C12orf42: variants seen among roughly 807,000 people sequenced by gnomAD.
C12orf42 encodes chromosome 12 open reading frame 42.
Under a neutral mutation model 21.6 loss-of-function variants are expected in C12orf42, and 25 were observed. The observed-to-expected ratio is 1.16, with a 90% CI of 0.84 to 1.62. The LOEUF (loss-of-function observed/expected upper bound fraction) is 1.62, where lower values mean the gene tolerates loss of function less well. Among genes scored for constraint, C12orf42 ranks in the 40% most tolerant of loss-of-function variants. The probability of loss-of-function intolerance (pLI) is 0.00; values close to 1 mark genes in which losing one functional copy is unlikely to be tolerated. For missense variants in C12orf42, 483 were observed against 459.3 expected (o/e 1.05, Z -0.47); for synonymous variants, 174 against 175.0 (o/e 0.99, Z 0.05).
chr12:103,218,130 A>G, the C12orf42 span, among the ~76,000 whole-genome samples: 5 of 152,168 alleles, frequency 3.3e-5, no homozygotes, highest in Non-Finnish European at 5.9e-5. Flanking sequence ...AAATACAAAA[A>G]TTGGCTGAGT....
At chr12:103,510,771 A>C in the C12orf42 span, among the ~76,000 whole-genome samples, 8 of 152,192 alleles carry the variant, frequency 5.3e-5, no homozygotes, top group African/African-American at 1.9e-4. Flanking sequence ...ATGAAACTTC[A>C]ATGGGAAATC....
intron 2 of C12orf42, among the ~76,000 whole-genome samples, chr12:103,475,827 A>G (rs774245796): frequency 3.9e-5 from 6 of 152,202 alleles, no homozygotes; most frequent in Non-Finnish European, 7.3e-5. Context: ...AGCAAATTTA[A>G]TAGCTTATAT....
the C12orf42 span, among the ~76,000 whole-genome samples, chr12:103,048,401 G>A: frequency 6.6e-6 from 1 of 152,002 alleles, no homozygotes; most frequent in East Asian, 1.9e-4. Flanking sequence ...AAAAGATTTA[G>A]CCTACATGGG....
At chr12:103,066,429 G>T in the C12orf42 span, among the ~76,000 whole-genome samples, 60,293 of 152,024 alleles carry the variant, frequency 0.4, 12,266 homozygotes, top group East Asian at 0.52. Context: ...AATGGCCTTA[G>T]GGGAAGTTCC....
chr12:103,162,434 T>A, the C12orf42 span, among the ~76,000 whole-genome samples: 1 of 152,114 alleles, frequency 6.6e-6, no homozygotes, highest in African/African-American at 2.4e-5. Flanking sequence ...GTAGCCATAG[T>A]GAAATGGCCC....
downstream of C12orf42, among the ~76,000 whole-genome samples, chr12:103,297,103 T>C (rs1182007560): frequency 6.6e-6 from 1 of 152,234 alleles, no homozygotes; most frequent in Non-Finnish European, 1.5e-5. Flanking sequence ...CCAGCACCAT[T>C]TGTTAAATAG....
chr12:103,435,052 C>A (rs1185164084), intron 2 of C12orf42, among the ~76,000 whole-genome samples: 1 of 152,298 alleles, frequency 6.6e-6, no homozygotes, highest in South Asian at 2.1e-4. Flanking sequence ...AGCTGGAGAT[C>A]TGAGAACAGG....
chr12:103,456,762 T>C (rs1295026544), intron 2 of C12orf42, among the ~76,000 whole-genome samples: 1 of 152,148 alleles, frequency 6.6e-6, no homozygotes, highest in Non-Finnish European at 1.5e-5. Flanking sequence ...GCATTGTGGT[T>C]TTCCTCTTCC....
chr12:103,378,159 A>C (rs1475635678), intron 3 of C12orf42, among the ~76,000 whole-genome samples: 1 of 152,188 alleles, frequency 6.6e-6, no homozygotes, highest in Non-Finnish European at 1.5e-5. Flanking sequence ...TTCTGCCCAC[A>C]TGCAACCTAT....
the C12orf42 span, among the ~76,000 whole-genome samples, chr12:103,527,318 C>A: frequency 6.6e-6 from 1 of 152,072 alleles, no homozygotes; most frequent in African/African-American, 2.4e-5. Context: ...TACAGAATGA[C>A]AAGATGGAAG....
At chr12:103,477,783 T>C (rs1383281381) in intron 2 of C12orf42, 4 of 152,524 alleles carry the variant, frequency 2.6e-5, no homozygotes, top group African/African-American at 9.6e-5. Flanking sequence ...GCCTAGATTT[T>C]AACCCAGTGA....
the C12orf42 span, among the ~76,000 whole-genome samples, chr12:103,087,751 G>C: frequency 6.6e-6 from 1 of 152,214 alleles, no homozygotes; most frequent in Non-Finnish European, 1.5e-5. Flanking sequence ...ACAGTTTAGA[G>C]GGAAAGTTTA....
chr12:103,368,771 C>T lies in C12orf42; in HGVS notation c.259+116G>A, dbSNP rs1241419910. On this transcript the variant is annotated intron_variant, in intron 4 of 5. Transcript: ENST00000548883. ...AGCCAATGAATTTCCTCTTTTGTTG[C>T]CATTTTGAAACATAGCACAACTGTT... 3.0e-5 allele frequency: 17 copies of T among 570,254 alleles called. No homozygotes were observed. The South Asian group carries it at 4.1e-4, about 14-fold the overall frequency. The allele number at this position is 570,254 out of a possible 1,614,324, so 35.3% of individuals were successfully genotyped here. A position where few individuals can be genotyped will look rare whatever the true frequency, so the allele number is the denominator to read the frequency against.
At chr12:103,109,568 C>T in the C12orf42 span, among the ~76,000 whole-genome samples, 10 of 149,814 alleles carry the variant, frequency 6.7e-5, no homozygotes, top group African/African-American at 2.0e-4. Context: ...AGAGAAAATG[C>T]TTTTATTATA....
chr12:103,505,593 C>G, the C12orf42 span: 2 of 323,856 alleles, frequency 6.2e-6, no homozygotes, highest in Non-Finnish European at 1.2e-5. Context: ...TGGTCTAGCC[C>G]ATGTCTGAGT....
the C12orf42 span, among the ~76,000 whole-genome samples, chr12:103,054,617 A>G: frequency 6.6e-6 from 1 of 151,816 alleles, no homozygotes; most frequent in Non-Finnish European, 1.5e-5. Flanking sequence ...ACTATATTGA[A>G]CAAGAGTGGT....
At chr12:103,283,962 G>C (rs554732327) in intron 4 of C12orf42, among the ~76,000 whole-genome samples, 1 of 152,276 alleles carries the variant, frequency 6.6e-6, no homozygotes, top group South Asian at 2.1e-4. Context: ...ATTATCACGA[G>C]AGGAAAAAAT....
chr12:103,112,345 T>A, the C12orf42 span, among the ~76,000 whole-genome samples: 1 of 152,166 alleles, frequency 6.6e-6, no homozygotes. Flanking sequence ...TGATAGGTGG[T>A]CAGATTATTC....
At chr12:103,559,177 A>G in the C12orf42 span, 1 of 152,230 alleles carries the variant, frequency 6.6e-6, no homozygotes, top group African/African-American at 2.4e-5. Context: ...CTCTTGCTCT[A>G]GGAGGTTGAA....
Sources: allele counts gnomAD v4.1 joint callset (sites outside exome capture counted in the v4.1 genomes callset), GRCh38; gene constraint gnomAD v4.1.1; transcripts MANE v1.5; gene names NCBI Gene and HGNC (gene_info 2026-07-23, HGNC 2026-07-21).